The following QRSL1 variants were observed in gnomAD, a reference collection of about 807,000 sequenced individuals.
QRSL1 encodes the protein glutamyl-tRNA(Gln) amidotransferase subunit A, mitochondrial.
Under a neutral mutation model 61.6 loss-of-function variants are expected in QRSL1, and 54 were observed. The observed-to-expected ratio is 0.88, with a 90% CI of 0.70 to 1.10. The LOEUF is 1.10. Among genes scored for constraint, QRSL1 ranks in the 50% least tolerant of loss-of-function variants. QRSL1 has a pLI of 0.00. For synonymous variants in QRSL1, 228 were observed against 225.7 expected (o/e 1.01, Z -0.09); for missense variants, 505 against 622.6 (o/e 0.81, Z 2.01).
intron 4 of QRSL1, among the ~76,000 whole-genome samples, chr6:106,645,429 CT>C (rs770177768): frequency 3.6e-4 from 53 of 145,746 alleles, no homozygotes; most frequent in Admixed American, 6.1e-4. Flanking sequence ...TGTTTCTTTT[CT>C]TTTTTTTTTT....
chr6:106,635,078 C>T lies in QRSL1; in HGVS notation c.25-5271C>T, dbSNP rs138529682. 2.6e-3 allele frequency among the ~76,000 whole-genome samples: 394 copies of T among 151,384 alleles called. 1 individual carries two copies. Among genetic ancestry groups the T allele is most frequent in the Non-Finnish European group, 4.5e-3 (303 of 67,898 alleles). ...AAGATATCAGTTAAGCAACTAGATA[C>T]AAGAGTTCAGAGCTCAGAAAAGAGG... On this transcript the variant is annotated intron_variant, in intron 1 of 10. Coordinates refer to ENST00000369046, the MANE Select transcript of QRSL1 (RefSeq NM_018292.5).
intron 1 of QRSL1, among the ~76,000 whole-genome samples, chr6:106,632,244 C>G (rs1374304033): frequency 6.6e-6 from 1 of 152,174 alleles, no homozygotes; most frequent in East Asian, 1.9e-4. Flanking sequence ...CAAATCTTGG[C>G]TATTGTGAAT....
At chr6:106,641,988 G>T (rs934250505) in intron 3 of QRSL1, among the ~76,000 whole-genome samples, 1 of 152,140 alleles carries the variant, frequency 6.6e-6, no homozygotes, top group East Asian at 1.9e-4. Flanking sequence ...ATTTAAATTA[G>T]GAATAATTAA....
intron 4 of QRSL1, among the ~76,000 whole-genome samples, chr6:106,645,358 A>G (rs1411968617): frequency 6.6e-6 from 1 of 152,110 alleles, no homozygotes; most frequent in Non-Finnish European, 1.5e-5. Flanking sequence ...TTACTCTGGA[A>G]TGTTTTTATG....
At chr6:106,639,694 T>TG (rs1388447347) in intron 1 of QRSL1, among the ~76,000 whole-genome samples, 1 of 152,192 alleles carries the variant, frequency 6.6e-6, no homozygotes, top group Non-Finnish European at 1.5e-5. Context: ...TCTTAGGCCC[T>TG]ACTTCCTGTC....
intron 9 of QRSL1, among the ~76,000 whole-genome samples, chr6:106,661,936 C>G (rs530400610): frequency 1.8e-4 from 27 of 151,828 alleles, no homozygotes; most frequent in Non-Finnish European, 3.4e-4. Flanking sequence ...GTCTTAAACT[C>G]TCAGCCGCAG....
At chr6:106,641,053 G>A in intron 3 of QRSL1, 132 bp downstream of exon 3, 1 of 649,064 alleles carries the variant, frequency 1.5e-6, no homozygotes, top group South Asian at 2.9e-5. Context: ...ATAATATCAT[G>A]TTTTTTTACT....
chr6:106,640,758 A>G (rs1371973014), intron 2 of QRSL1, 65 bp from the exon 3 acceptor site: 11 of 1,351,888 alleles, frequency 8.1e-6, no homozygotes, highest in African/African-American at 2.9e-5. Flanking sequence ...CTGTAATAAC[A>G]TGTATTCATG....
intron 8 of QRSL1, 102 bp downstream of exon 8, chr6:106,655,024 G>A: frequency 8.8e-7 from 1 of 1,131,684 alleles, no homozygotes; most frequent in Non-Finnish European, 1.3e-6. Context: ...TAATGTTAGT[G>A]ATTCAGAAAA....
chr6:106,630,244 C>G (rs1776792692), intron 1 of QRSL1, among the ~76,000 whole-genome samples: 1 of 152,182 alleles, frequency 6.6e-6, no homozygotes, highest in African/African-American at 2.4e-5. Flanking sequence ...TGAATGCTTT[C>G]TGGGCAGTTC....
rs555172557 is a variant in QRSL1 at position 106,661,150 on chromosome 6, C to T, written c.1161-1830C>T. Among the ~76,000 whole-genome samples, 27 of 151,780 alleles carry T rather than the reference C, an allele frequency of 1.8e-4. 1 individual carries two copies. Among genetic ancestry groups the T allele is most frequent in the African/African-American group, 6.5e-4 (27 of 41,428 alleles). ...TTTTTGAGACGGAGTCTTGCTCTGTCGCCAGGCTGGAGTGCAGTGGCGCGA... is the reference window on the plus strand; with the variant it reads ...TTTTTGAGACGGAGTCTTGCTCTGTTGCCAGGCTGGAGTGCAGTGGCGCGA... On this transcript the variant is annotated intron_variant, in intron 9 of 10. Transcript: ENST00000369046.
chr6:106,650,157 C>T (rs530797731), intron 5 of QRSL1, among the ~76,000 whole-genome samples: 1 of 152,144 alleles, frequency 6.6e-6, no homozygotes, highest in African/African-American at 2.4e-5. Context: ...GGATTAGGTG[C>T]TTTTTTTCTG....
At chr6:106,652,976 T>C in intron 7 of QRSL1, 6 of 423,156 alleles carry the variant, frequency 1.4e-5, no homozygotes, top group Non-Finnish European at 2.4e-5. Context: ...AACTTTATTT[T>C]CAAAAACCAG....
At chr6:106,645,300 C>T (rs1414428648) in intron 4 of QRSL1, among the ~76,000 whole-genome samples, 2 of 152,138 alleles carry the variant, frequency 1.3e-5, no homozygotes, top group African/African-American at 4.8e-5. Context: ...TATAGATCAA[C>T]TTGGAAAGAA....
intron 9 of QRSL1, among the ~76,000 whole-genome samples, chr6:106,660,575 G>C (rs533410985): frequency 1.5e-4 from 23 of 151,186 alleles, no homozygotes; most frequent in Admixed American, 1.2e-3. Flanking sequence ...CAGTTTTCTA[G>C]TTGTTTAAGA....
chr6:106,664,637 G>A (rs574805421), intron 10 of QRSL1, among the ~76,000 whole-genome samples: 2 of 152,302 alleles, frequency 1.3e-5, no homozygotes, highest in South Asian at 4.1e-4. Flanking sequence ...ATCAGGATTT[G>A]TCAGATTGCT....
intron 9 of QRSL1, among the ~76,000 whole-genome samples, chr6:106,657,285 T>C (rs1777286016): frequency 6.6e-6 from 1 of 151,454 alleles, no homozygotes; most frequent in East Asian, 1.9e-4. Flanking sequence ...AAAAAAAGAA[T>C]ACTATTTGGT....
intron 4 of QRSL1, among the ~76,000 whole-genome samples, chr6:106,646,282 G>C (rs12663415): frequency 0.083 from 12,660 of 152,212 alleles, 728 homozygotes; most frequent in East Asian, 0.28. Context: ...GGGTGAAGTG[G>C]ACGTTATGTG....
In QRSL1 at chr6:106,640,353, C is replaced by A. The variant is rs745967340; in HGVS notation, c.29C>A (p.Ser10Tyr). 1 of 1,603,700 alleles carries A rather than the reference C, an allele frequency of 6.2e-7. No homozygotes were observed. Among genetic ancestry groups the A allele is most frequent in the South Asian group, 1.1e-5 (1 of 90,926 alleles). Residue 10 changes from serine (S) to tyrosine (Y), a missense_variant, in exon 2 of 11, where the codon TCT (serine) becomes TAT (tyrosine). Ser to Tyr is a moderately radical substitution (Grantham distance 144). Coordinates refer to ENST00000369046, the MANE Select transcript of QRSL1 (RefSeq NM_018292.5). MLGRSLREV[S>Y]AALKQGQITP... Reference sequence around the variant, plus strand: ...TTTGAATTGTATACACTATAGGTTTCTGCGGCACTGAAACAAGGCCAAATT... The same window carrying A: ...TTTGAATTGTATACACTATAGGTTTATGCGGCACTGAAACAAGGCCAAATT...
Sources: allele counts gnomAD v4.1 joint callset (sites outside exome capture counted in the v4.1 genomes callset), GRCh38; gene constraint gnomAD v4.1.1; transcripts MANE v1.5; gene names NCBI Gene and HGNC (gene_info 2026-07-23, HGNC 2026-07-21).